ZMYND12: variants seen among roughly 807,000 people sequenced by gnomAD.
ZMYND12 encodes the protein zinc finger MYND domain-containing protein 12.
A neutral mutation model predicts 41.7 loss-of-function variants in ZMYND12; 32 were observed. The ratio of observed to expected loss-of-function variants is 0.77; its 90% CI spans 0.58 to 1.03. ZMYND12 has a LOEUF of 1.03. Ranked by LOEUF, ZMYND12 falls within the 50% of genes least tolerant of loss-of-function variation. The pLI is 0.00. For synonymous variants in ZMYND12, 148 were observed against 164.8 expected (o/e 0.90, Z 0.78); for missense variants, 424 against 438.5 (o/e 0.97, Z 0.30).
At chr1:42,455,297 C>T (rs542984693) in intron 1 of ZMYND12, among the ~76,000 whole-genome samples, 25 of 152,006 alleles carry the variant, frequency 1.6e-4, no homozygotes, top group African/African-American at 5.5e-4. Context: ...CATTCACTAT[C>T]GTCTCACTCT....
At chr1:42,441,366 GGAACT>G (rs1642966869) in intron 3 of ZMYND12, among the ~76,000 whole-genome samples, 1 of 152,122 alleles carries the variant, frequency 6.6e-6, no homozygotes, top group Admixed American at 6.5e-5. Context: ...ACAGCTGCAG[GGAACT>G]GGTTCCAGAA....
chr1:42,430,725 C>A lies in ZMYND12; in HGVS notation c.*11G>T. The A allele has an allele frequency of 6.2e-7, 1 of 1,613,914 alleles. No homozygotes were observed. The highest frequency in any genetic ancestry group is 8.5e-7 in the Non-Finnish European group (1 of 1,179,816). On this transcript the variant is annotated 3_prime_UTR_variant, in exon 8 of 8. Transcript: ENST00000372565. ...CCCTGGAATAACCCTTGATGCAGAG[C>A]TCATGGGTCACTAAGTAATGGGATG...
intron 5 of ZMYND12, 130 bp from the exon 6 acceptor site, chr1:42,435,515 G>C: frequency 1.5e-6 from 1 of 677,878 alleles, no homozygotes. Flanking sequence ...ACTGTGCCTG[G>C]AGGCAGAGGG....
chr1:42,449,914 C>T lies in ZMYND12; in HGVS notation c.252+4G>A. 6.2e-7 allele frequency: 1 copy of T among 1,610,234 alleles called. No individual in the cohort carries two copies. The highest frequency in any genetic ancestry group is 1.1e-5 in the South Asian group (1 of 91,076). ...TTAACCTTGGAAAGTGCCGTAGGCC[C>T]TACCTGCCGCTGCTGCAGCTGCTGC... On this transcript the variant is annotated splice_donor_region_variant and intron_variant, in intron 2 of 7. Coordinates refer to ENST00000372565, the MANE Select transcript of ZMYND12 (RefSeq NM_032257.5).
chr1:42,440,667 T>G (rs553511292), intron 3 of ZMYND12, among the ~76,000 whole-genome samples: 94 of 151,840 alleles, frequency 6.2e-4, no homozygotes, highest in Admixed American at 1.4e-3. Flanking sequence ...TTGTCCTTTT[T>G]TTGTTGTTGT....
At chr1:42,440,090 G>A (rs1255283410) in intron 3 of ZMYND12, 65 bp from the exon 4 acceptor site, 1 of 1,498,034 alleles carries the variant, frequency 6.7e-7, no homozygotes, top group African/African-American at 1.4e-5. Flanking sequence ...GAGGAAATAT[G>A]AGTCATTACC....
chr1:42,445,197 C>G (rs1463499907), intron 3 of ZMYND12, among the ~76,000 whole-genome samples: 1 of 151,600 alleles, frequency 6.6e-6, no homozygotes, highest in East Asian at 2.0e-4. Flanking sequence ...CTTTGGAAGA[C>G]TGAGGTGGGT....
chr1:42,442,842 A>C (rs1408452984), intron 3 of ZMYND12, among the ~76,000 whole-genome samples: 6 of 152,202 alleles, frequency 3.9e-5, no homozygotes, highest in South Asian at 4.1e-4. Flanking sequence ...ATGGAAGGTC[A>C]AAGTGCAAAC....
chr1:42,448,466 C>T lies in ZMYND12; in HGVS notation c.424+1G>A. 3 of 1,588,026 alleles carry T rather than the reference C, an allele frequency of 1.9e-6. No individual in the cohort carries two copies. The highest frequency in any genetic ancestry group is 2.6e-6 in the Non-Finnish European group (3 of 1,166,086). ...AAGGATCTCAAGTCGGTTTCACTCACCAAGGCTGGCCTCGGCCAACAGCAG... is the reference window on the plus strand; with the variant it reads ...AAGGATCTCAAGTCGGTTTCACTCATCAAGGCTGGCCTCGGCCAACAGCAG... On this transcript the variant is annotated splice_donor_variant, in intron 3 of 7. Transcript: ENST00000372565. LOFTEE classifies it high-confidence loss of function.
chr1:42,454,807 G>A (rs1479353116), intron 1 of ZMYND12, among the ~76,000 whole-genome samples: 5 of 151,314 alleles, frequency 3.3e-5, no homozygotes, highest in Non-Finnish European at 7.4e-5. Flanking sequence ...GGGTTCAAAC[G>A]ATTCTCCTGC....
intron 3 of ZMYND12, among the ~76,000 whole-genome samples, chr1:42,441,831 G>A (rs1007393596): frequency 3.9e-5 from 6 of 152,040 alleles, no homozygotes; most frequent in African/African-American, 7.2e-5. Flanking sequence ...CGTTTTAGCC[G>A]GGATGGTCTC....
chr1:42,448,710 G>A, intron 2 of ZMYND12, 72 bp from the exon 3 acceptor site: 1 of 1,459,356 alleles, frequency 6.9e-7, no homozygotes, highest in South Asian at 1.4e-5. Flanking sequence ...GATGGCCCTG[G>A]GGATAAGGCC....
intron 3 of ZMYND12, among the ~76,000 whole-genome samples, chr1:42,442,253 G>C (rs910455867): frequency 3.9e-5 from 6 of 152,146 alleles, no homozygotes; most frequent in Non-Finnish European, 8.8e-5. Context: ...AGGGACCAGA[G>C]GGGAGGAATA....
intron 7 of ZMYND12, 36 bp downstream of exon 7, chr1:42,433,107 T>A: frequency 6.2e-7 from 1 of 1,601,986 alleles, no homozygotes; most frequent in Non-Finnish European, 8.5e-7. Flanking sequence ...ATTTCTACCT[T>A]CATTTTAGAC....
At chr1:42,441,746 A>G (rs917348196) in intron 3 of ZMYND12, among the ~76,000 whole-genome samples, 19 of 150,886 alleles carry the variant, frequency 1.3e-4, no homozygotes, top group Non-Finnish European at 2.5e-4. Context: ...TCAGCCTCCC[A>G]AGTAGCTGGG....
chr1:42,443,799 A>G (rs6656054), intron 3 of ZMYND12, among the ~76,000 whole-genome samples: 58,933 of 152,068 alleles, frequency 0.39, 11,917 homozygotes, highest in East Asian at 0.59. Context: ...ATCACAATGC[A>G]TGATGCTCAA....
In ZMYND12 at chr1:42,433,240, T is replaced by A; in HGVS notation, c.878A>T (p.Asn293Ile). The A allele has an allele frequency of 6.2e-7, 1 of 1,612,652 alleles. No individual in the cohort carries two copies. Among genetic ancestry groups the A allele is most frequent in the South Asian group, 1.1e-5 (1 of 90,588 alleles). The change falls in exon 7 of 8, where the codon AAC (asparagine) becomes ATC (isoleucine). Residue 293 changes from asparagine (N) to isoleucine (I), a missense_variant. Transcript: ENST00000372565. Reference protein sequence around the residue: ...EAIRILTSILNIRESTSDKAP... With the variant: ...EAIRILTSILIIRESTSDKAP... ...TTTGTCAGATGTAGATTCTCGAATG[T>A]TCAAGATTGAAGTCAGGATGCGAAT...
At position 42,455,962 on chromosome 1, in the gene ZMYND12, C is replaced by G; in HGVS notation, c.36G>C (p.Gly12=). The change falls in exon 1 of 8, where the codon GGG becomes GGC. Residue 12 remains glycine, a synonymous_variant. Transcript: ENST00000372565. ...NVIYPLAVPK[G]RRLCCEVCEA... ...CGCACACCTCACAGCAGAGTCTGCGCCCCTTGGGGACTGCCAGTGGGTAGA... is the reference window on the plus strand; with the variant it reads ...CGCACACCTCACAGCAGAGTCTGCGGCCCTTGGGGACTGCCAGTGGGTAGA... 1 of 1,613,624 alleles carries G rather than the reference C, an allele frequency of 6.2e-7. No homozygotes were observed. The highest frequency in any genetic ancestry group is 8.5e-7 in the Non-Finnish European group (1 of 1,180,018).
intron 3 of ZMYND12, among the ~76,000 whole-genome samples, chr1:42,447,498 T>C (rs1570354680): frequency 6.6e-6 from 1 of 152,324 alleles, no homozygotes; most frequent in East Asian, 1.9e-4. Context: ...AAAGATGTTA[T>C]TGGGAAAATT....
Sources: allele counts gnomAD v4.1 joint callset (sites outside exome capture counted in the v4.1 genomes callset), GRCh38; gene constraint gnomAD v4.1.1; transcripts MANE v1.5; gene names NCBI Gene and HGNC (gene_info 2026-07-23, HGNC 2026-07-21).